IL18R1: variants seen among roughly 807,000 people sequenced by gnomAD.
IL18R1 encodes the protein interleukin 18 receptor 1.
A neutral mutation model predicts 48.5 loss-of-function variants in IL18R1; 40 were observed. The ratio of observed to expected loss-of-function variants is 0.82; its 90% confidence interval spans 0.64 to 1.07. IL18R1 has a LOEUF of 1.07. Among genes scored for constraint, IL18R1 ranks in the 50% least tolerant of loss-of-function variants. The pLI is 0.00. For synonymous variants in IL18R1, 232 were observed against 225.9 expected, an observed-to-expected ratio of 1.03 and a Z score of -0.24; for missense variants, 596 against 633.7, an observed-to-expected ratio of 0.94 and a Z score of 0.64.
At chr2:102,358,478 A>G (rs532138787) in intron 1 of IL18R1, among the ~76,000 whole-genome samples, 15 of 152,324 alleles carry the variant, frequency 9.8e-5, no homozygotes, top group African/African-American at 3.4e-4. Context: ...GTTTGTGACT[A>G]TTCGTTATGT....
At chr2:102,381,733 G>T (rs766105780) in intron 6 of IL18R1, 51 bp downstream of exon 6, 1 of 1,201,546 alleles carries the variant, frequency 8.3e-7, no homozygotes, top group Admixed American at 1.7e-5. Flanking sequence ...GGACATAATA[G>T]AGCCTTCCAA....
rs536201897 is a variant in IL18R1, at chr2:102,364,910, A to G, written c.58+2192A>G. Reference sequence around the variant, plus strand: ...CATCAGATCTTATGAGAACTCACTCACTATCAGGAGCACAGCATGAGGGTA... The same window carrying G: ...CATCAGATCTTATGAGAACTCACTCGCTATCAGGAGCACAGCATGAGGGTA... On this transcript the variant is annotated intron_variant, in intron 2 of 10. Transcript: ENST00000233957. Among the ~76,000 whole-genome samples, 4 of 152,310 alleles carry G rather than the reference A, an allele frequency of 2.6e-5. No individual in the cohort carries two copies. The South Asian group carries it at 8.3e-4, about 32-fold the overall frequency.
At chr2:102,389,902 C>T (rs1680460052) in intron 8 of IL18R1, among the ~76,000 whole-genome samples, 154 bp from the exon 9 acceptor site, 1 of 152,172 alleles carries the variant, frequency 6.6e-6, no homozygotes, top group Non-Finnish European at 1.5e-5. Context: ...AGACTAAAGG[C>T]AGGAATGTGG....
chr2:102,366,800 GC>G (rs1678926864), intron 2 of IL18R1, among the ~76,000 whole-genome samples: 1 of 152,146 alleles, frequency 6.6e-6, no homozygotes, highest in African/African-American at 2.4e-5. Context: ...GAGGGTGACT[GC>G]CCCCATGATT....
intron 3 of IL18R1, among the ~76,000 whole-genome samples, chr2:102,368,393 A>G (rs1679038561): frequency 6.6e-6 from 1 of 152,218 alleles, no homozygotes; most frequent in South Asian, 2.1e-4. Context: ...GTCAAATGAA[A>G]TCAGCAGCTC....
Position 102,398,239 on chromosome 2 carries a change from C to G in IL18R1, c.*1353C>G, listed in dbSNP as rs1439923988. On this transcript the variant is annotated 3_prime_UTR_variant, in exon 11 of 11. Coordinates refer to ENST00000233957, the MANE Select transcript of IL18R1 (RefSeq NM_003855.5). ...CGTTGGAAGACACATGTCTTACCCC[C>G]CAAAGGGAGCCCAGCACTGGGAGCC... 4 of 152,288 alleles carry G rather than the reference C, an allele frequency of 2.6e-5. No individual in the cohort carries two copies. The highest frequency in any genetic ancestry group is 1.5e-5 in the Non-Finnish European group (1 of 68,038). The allele number at this position is 152,288 out of a possible 1,614,324, so 9.4% of individuals were successfully genotyped here.
chr2:102,389,649 C>T (rs1680445787), intron 8 of IL18R1, among the ~76,000 whole-genome samples: 1 of 152,160 alleles, frequency 6.6e-6, no homozygotes, highest in South Asian at 2.1e-4. Flanking sequence ...AGCCCAGCTG[C>T]AAACCCAGAC....
rs756690082 is a variant in IL18R1, at chr2:102,384,872, T to C, written c.689-6T>C. 1.9e-6 allele frequency: 3 copies of C among 1,606,720 alleles called. No homozygotes were observed. In the South Asian group the frequency reaches 3.4e-5, roughly 18 times the overall value. Reference sequence around the variant, plus strand: ...AATCAGAACTTTAGTTGCCAACTTTTACCAGGAAAAAACGTAAGGCTCAAC... The same window carrying C: ...AATCAGAACTTTAGTTGCCAACTTTCACCAGGAAAAAACGTAAGGCTCAAC... On this transcript the variant is annotated splice_region_variant and splice_polypyrimidine_tract_variant and intron_variant, in intron 6 of 10. Transcript: ENST00000233957.
chr2:102,372,534 T>C (rs1220263350), intron 4 of IL18R1, among the ~76,000 whole-genome samples: 1 of 152,248 alleles, frequency 6.6e-6, no homozygotes, highest in African/African-American at 2.4e-5. Context: ...GTAATGCTTT[T>C]ATAATATTTT....
At chr2:102,393,716 G>A (rs1680667656) in intron 9 of IL18R1, among the ~76,000 whole-genome samples, 1 of 152,130 alleles carries the variant, frequency 6.6e-6, no homozygotes. Context: ...ATTGTCATGG[G>A]ATAAAGGTAG....
intron 10 of IL18R1, among the ~76,000 whole-genome samples, chr2:102,395,314 G>T (rs973232968): frequency 1.8e-4 from 27 of 151,172 alleles, no homozygotes; most frequent in African/African-American, 5.3e-4. Flanking sequence ...TTTAAAATCT[G>T]GTGTCAAATT....
In IL18R1 at chr2:102,356,391, C is replaced by G. The variant is rs951102731; in HGVS notation, c.-38C>G. The G allele has an allele frequency of 2.0e-6, 2 of 984,196 alleles. No homozygotes were observed. The highest frequency in any genetic ancestry group is 2.3e-4 in the East Asian group (2 of 8,764). The allele number at this position is 984,196 out of a possible 1,614,324, so 61.0% of individuals were successfully genotyped here. On this transcript the variant is annotated 5_prime_UTR_variant, in exon 1 of 11. Transcript: ENST00000233957. ...GCCCCCGCCCCAGCCTCGGGGACGC[C>G]TCTCTGAAGGTAAGGGTGGGCTCCG...
intron 7 of IL18R1, among the ~76,000 whole-genome samples, chr2:102,386,302 G>A (rs544320504): frequency 2.0e-5 from 3 of 152,186 alleles, no homozygotes; most frequent in Admixed American, 6.5e-5. Context: ...GAAAAAGAAC[G>A]TGCTGCCAGT....
intron 5 of IL18R1, among the ~76,000 whole-genome samples, chr2:102,379,088 A>C (rs1321108181): frequency 1.3e-5 from 2 of 152,236 alleles, no homozygotes; most frequent in African/African-American, 2.4e-5. Flanking sequence ...CAATGTTCCC[A>C]TAACAAAAGA....
rs1678249436 is a variant in IL18R1, at chr2:102,356,354, G to A, written c.-75G>A. ...CTCCGCAGTCGCGACCTGGCGTGAA[G>A]GAGGAGCTGCCGCCCCCGCCCCAGC... is the stretch of plus-strand genomic sequence containing the variant. On this transcript the variant is annotated 5_prime_UTR_variant, in exon 1 of 11. Coordinates refer to ENST00000233957, the MANE Select transcript of IL18R1 (RefSeq NM_003855.5). 1 of 985,168 alleles carries A rather than the reference G, an allele frequency of 1.0e-6. No individual in the cohort carries two copies. The highest frequency in any genetic ancestry group is 1.7e-5 in the African/African-American group (1 of 57,200). The allele number at this position is 985,168 out of a possible 1,614,324, so 61.0% of individuals were successfully genotyped here.
rs1459613131 is a variant in IL18R1, at chr2:102,368,011, T to G, written c.245T>G (p.Val82Gly). 6.2e-7 allele frequency: 1 copy of G among 1,614,168 alleles called. No individual in the cohort carries two copies. The highest frequency in any genetic ancestry group is 1.3e-5 in the African/African-American group (1 of 75,028). ...TCGAGAATTGCTTTGCATGATTGTG[T>G]TTTGGAGTTTTGGCCAGTTGAGTTG... ...SSSRIALHDC[V>G]LEFWPVELND... Residue 82 changes from valine (V) to glycine (G), a missense_variant, in exon 3 of 11, where the codon GTT (valine) becomes GGT (glycine). Physicochemically the swap from Val to Gly is moderately radical, Grantham distance 109. Around this residue, in one of 3 missense-constraint regions of IL18R1, gnomAD observed 360 missense variants for 339.4 expected, o/e 1.06. Coordinates refer to ENST00000233957, the MANE Select transcript of IL18R1 (RefSeq NM_003855.5).
rs145890075 is a variant in IL18R1, at chr2:102,378,094, T to C, written c.625+2031T>C. Reference sequence around the variant, plus strand: ...TTTGATACTTTCAGAACCTACACCCTCTTTCCCACCATCTTTGCTTTCTGC... The same window carrying C: ...TTTGATACTTTCAGAACCTACACCCCCTTTCCCACCATCTTTGCTTTCTGC... On this transcript the variant is annotated intron_variant, in intron 5 of 10. Coordinates refer to ENST00000233957, the MANE Select transcript of IL18R1 (RefSeq NM_003855.5). Among the ~76,000 whole-genome samples the C allele has an allele frequency of 3.9e-4, 60 of 152,358 alleles. 1 individual carries two copies. The East Asian group carries it at 0.011, about 27-fold the overall frequency.
rs973280634 is a variant in IL18R1, at chr2:102,387,128, A to G, written c.949+128A>G. 76 of 961,526 alleles carry G rather than the reference A, an allele frequency of 7.9e-5. 1 individual carries two copies. The South Asian group carries it at 1.1e-3, about 14-fold the overall frequency. 59.6% of individuals were successfully genotyped at this position (961,526 alleles called of 1,614,324 possible). A position where few individuals can be genotyped will look rare whatever the true frequency, so the allele number is the denominator to read the frequency against. On this transcript the variant is annotated intron_variant, in intron 8 of 10. Transcript: ENST00000233957. The stretch of plus-strand genomic sequence containing the variant: ...CCTGAGAGGGGAAATCAGTCACCTC[A>G]TGTCACAGGCATTCAGTGGGGCCCC...
intron 2 of IL18R1, among the ~76,000 whole-genome samples, chr2:102,363,089 G>C (rs1312697230): frequency 6.6e-6 from 1 of 152,010 alleles, no homozygotes; most frequent in Non-Finnish European, 1.5e-5. Context: ...AAAAAAATTA[G>C]AGTGAGACAG....
Sources: allele counts gnomAD v4.1 joint callset (sites outside exome capture counted in the v4.1 genomes callset), GRCh38; gene constraint gnomAD v4.1.1; regional missense constraint gnomAD v4.1.1; transcripts MANE v1.5; gene names NCBI Gene and HGNC (gene_info 2026-07-23, HGNC 2026-07-21).